The following WWOX variants were observed in gnomAD, a reference collection of about 807,000 sequenced individuals.
WWOX encodes the protein WW domain containing oxidoreductase, also known as WW domain-containing oxidoreductase.
Under a neutral mutation model 46.2 loss-of-function variants are expected in WWOX, and 69 were observed. The ratio of observed to expected loss-of-function variants is 1.49; its 90% confidence interval spans 1.23 to 1.82. The LOEUF is 1.82. Ranked by LOEUF, WWOX falls within the 40% of genes most tolerant of loss-of-function variation. The pLI, the probability that WWOX is intolerant of heterozygous loss-of-function variation, is 0.00. For synonymous variants in WWOX, 359 were observed against 202.6 expected (o/e 1.77, Z -6.56); for missense variants, 919 against 542.6 (o/e 1.69, Z -6.89).
chr16:78,329,075 G>C (rs1016175351), intron 5 of WWOX, among the ~76,000 whole-genome samples: 1 of 152,182 alleles, frequency 6.6e-6, no homozygotes, highest in African/African-American at 2.4e-5. Context: ...TCGCCAGGCT[G>C]GTCTTGGATT....
chr16:78,763,710 T>G (rs190831759), intron 8 of WWOX, among the ~76,000 whole-genome samples: 1 of 152,352 alleles, frequency 6.6e-6, no homozygotes, highest in East Asian at 1.9e-4. Flanking sequence ...AGTTGTTATT[T>G]GGTATTCACG....
At chr16:78,355,580 C>G (rs780034224) in intron 5 of WWOX, 2 of 490,518 alleles carry the variant, frequency 4.1e-6, no homozygotes, top group African/African-American at 2.1e-5. Flanking sequence ...GGAGGATCCC[C>G]TGGATCTTAG....
At chr16:78,996,221 G>T (rs774869305) in intron 8 of WWOX, 1 of 984,928 alleles carries the variant, frequency 1.0e-6, no homozygotes, top group African/African-American at 1.8e-5. Context: ...AAGACTTGTG[G>T]ATAGAAGAAG....
chr16:78,209,775 A>C (rs1216885770), intron 5 of WWOX, among the ~76,000 whole-genome samples: 1 of 152,002 alleles, frequency 6.6e-6, no homozygotes, highest in Non-Finnish European at 1.5e-5. Flanking sequence ...ATAATCATGT[A>C]CAAATATAAA....
intron 8 of WWOX, among the ~76,000 whole-genome samples, chr16:78,536,670 T>C (rs2043766605): frequency 6.6e-6 from 1 of 152,006 alleles, no homozygotes; most frequent in African/African-American, 2.4e-5. Flanking sequence ...ATTGTGCCGG[T>C]TTAGCCAGCT....
intron 8 of WWOX, chr16:78,525,051 A>G (rs1450772789): frequency 1.3e-5 from 2 of 150,846 alleles, no homozygotes; most frequent in African/African-American, 4.9e-5. Context: ...TTTTTTGCAG[A>G]CATAGGGCCT....
At chr16:78,751,843 G>A (rs564006409) in intron 8 of WWOX, among the ~76,000 whole-genome samples, 3 of 152,006 alleles carry the variant, frequency 2.0e-5, no homozygotes, top group Admixed American at 2.0e-4. Flanking sequence ...AAGGAAGGAG[G>A]GAGGGAAGGT....
intron 6 of WWOX, among the ~76,000 whole-genome samples, chr16:78,420,651 A>T (rs1028231123): frequency 6.5e-5 from 9 of 139,144 alleles, no homozygotes; most frequent in Non-Finnish European, 9.2e-5. Context: ...GTGATTGCTA[A>T]TTTTTTTTTT....
chr16:78,960,702 G>C (rs1281239326), intron 8 of WWOX, among the ~76,000 whole-genome samples: 1 of 152,164 alleles, frequency 6.6e-6, no homozygotes, highest in Non-Finnish European at 1.5e-5. Flanking sequence ...TCAGCTACTG[G>C]GATGTATGAC....
At chr16:79,009,549 C>A (rs1445276604) in intron 8 of WWOX, among the ~76,000 whole-genome samples, 1 of 151,954 alleles carries the variant, frequency 6.6e-6, no homozygotes, top group Non-Finnish European at 1.5e-5. Flanking sequence ...CTCACAGTAA[C>A]CTCTGCCTCC....
chr16:78,924,188 G>T (rs970082278), intron 8 of WWOX, among the ~76,000 whole-genome samples: 3 of 152,158 alleles, frequency 2.0e-5, no homozygotes, highest in Non-Finnish European at 2.9e-5. Flanking sequence ...GACCGGGGAA[G>T]GTAGCTGGGA....
At chr16:79,083,477 T>C in intron 8 of WWOX, among the ~76,000 whole-genome samples, 1 of 152,322 alleles carries the variant, frequency 6.6e-6, no homozygotes, top group South Asian at 2.1e-4. Flanking sequence ...TTTGGAGGTA[T>C]CGGCTGTTGC....
chr16:78,102,993 A>G (rs1217181955), intron 1 of WWOX, among the ~76,000 whole-genome samples: 1 of 151,862 alleles, frequency 6.6e-6, no homozygotes, highest in Non-Finnish European at 1.5e-5. Context: ...CTCCTTTGCC[A>G]CTCAGCCCCA....
chr16:78,848,868 G>C (rs189921329), intron 8 of WWOX, among the ~76,000 whole-genome samples: 2 of 151,348 alleles, frequency 1.3e-5, no homozygotes, highest in African/African-American at 4.9e-5. Flanking sequence ...TTAATGACCC[G>C]AAAAATCTAT....
intron 8 of WWOX, chr16:78,535,553 G>C (rs1346441573): frequency 6.6e-6 from 1 of 152,176 alleles, no homozygotes; most frequent in East Asian, 1.9e-4. Flanking sequence ...TTAGAAGTAA[G>C]ACTTTTTCTG....
intron 8 of WWOX, among the ~76,000 whole-genome samples, chr16:78,666,254 A>C (rs948279820): frequency 6.6e-6 from 1 of 152,050 alleles, no homozygotes; most frequent in Non-Finnish European, 1.5e-5. Context: ...CTGCCACTGC[A>C]CTCTAGCCTG....
At chr16:78,496,813 G>A (rs2084929436) in intron 8 of WWOX, among the ~76,000 whole-genome samples, 1 of 152,190 alleles carries the variant, frequency 6.6e-6, no homozygotes, top group Non-Finnish European at 1.5e-5. Context: ...CCCAAGACAT[G>A]GAGAAGTCAC....
At chr16:79,204,857 C>G (rs769388219) in intron 8 of WWOX, 1 of 152,208 alleles carries the variant, frequency 6.6e-6, no homozygotes, top group East Asian at 1.9e-4. Context: ...TCTCCAGGCT[C>G]GTTCCTGCAA....
intron 5 of WWOX, among the ~76,000 whole-genome samples, chr16:78,194,702 G>C (rs1455079894): frequency 6.6e-6 from 1 of 151,824 alleles, no homozygotes; most frequent in African/African-American, 2.4e-5. Context: ...CTTCTTTTTG[G>C]GACAGGTGAT....
Sources: allele counts gnomAD v4.1 joint callset (sites outside exome capture counted in the v4.1 genomes callset), GRCh38; gene constraint gnomAD v4.1.1; transcripts MANE v1.5; gene names NCBI Gene and HGNC (gene_info 2026-07-23, HGNC 2026-07-21).